The following SYN3 variants were observed in gnomAD, a reference collection of about 807,000 sequenced individuals.
SYN3 encodes the protein synapsin III, also known as synapsin-3.
SYN3 carries 35 observed loss-of-function variants against 65.8 expected under a neutral mutation model. The ratio of observed to expected loss-of-function variants is 0.53; its 90% CI spans 0.41 to 0.70. The LOEUF (loss-of-function observed/expected upper bound fraction) is 0.70. Among genes scored for constraint, SYN3 ranks in the 30% least tolerant of loss-of-function variants. SYN3 has a pLI of 0.00. For synonymous variants in SYN3, 270 were observed against 292.9 expected (o/e 0.92, Z 0.80); for missense variants, 680 against 749.0 (o/e 0.91, Z 1.08).
At chr22:32,828,738 G>A (rs571639493) in intron 6 of SYN3, among the ~76,000 whole-genome samples, 3 of 152,284 alleles carry the variant, frequency 2.0e-5, no homozygotes, top group East Asian at 3.9e-4. Context: ...GGCCGGTTCT[G>A]GGAGACTGAG....
At chr22:32,930,087 A>G (rs552709023) in intron 4 of SYN3, among the ~76,000 whole-genome samples, 1 of 152,320 alleles carries the variant, frequency 6.6e-6, no homozygotes, top group African/African-American at 2.4e-5. Flanking sequence ...TACAGTAGGC[A>G]CTCAATAAAG....
intron 6 of SYN3, among the ~76,000 whole-genome samples, chr22:32,835,877 C>G (rs571191160): frequency 6.6e-6 from 1 of 152,346 alleles, no homozygotes; most frequent in South Asian, 2.1e-4. Flanking sequence ...GATTCTTAGA[C>G]ATTACAAGAG....
chr22:32,920,766 G>C (rs1462063777), intron 4 of SYN3, among the ~76,000 whole-genome samples: 4 of 152,110 alleles, frequency 2.6e-5, no homozygotes, highest in Non-Finnish European at 5.9e-5. Flanking sequence ...CCTGTTGGCA[G>C]CATCAACTCA....
At chr22:32,882,400 A>T (rs1448449911) in intron 4 of SYN3, among the ~76,000 whole-genome samples, 1 of 151,928 alleles carries the variant, frequency 6.6e-6, no homozygotes, top group African/African-American at 2.4e-5. Context: ...TCTTTTCATT[A>T]AAAAAAATCT....
In SYN3 at chr22:32,800,342, C is replaced by T. The variant is rs536528104; in HGVS notation, c.711+64573G>A. On this transcript the variant is annotated intron_variant, in intron 6 of 13. Coordinates refer to ENST00000358763, the MANE Select transcript of SYN3 (RefSeq NM_003490.4). ...TGCAGTTAGATGGAACAGCTGCTGA[C>T]GTTCAGGGAAATGCATGTCTCTCTT... Among the ~76,000 whole-genome samples, 12 of 152,238 alleles carry T rather than the reference C, an allele frequency of 7.9e-5. No homozygotes were observed. In the South Asian group the frequency reaches 1.0e-3, roughly 13 times the overall value.
intron 6 of SYN3, among the ~76,000 whole-genome samples, chr22:32,624,550 G>A (rs1015719409): frequency 1.3e-5 from 2 of 152,200 alleles, no homozygotes; most frequent in South Asian, 2.1e-4. Flanking sequence ...TCTAACACCT[G>A]TAGGGACCTG....
chr22:32,868,950 C>T lies in SYN3; in HGVS notation c.621+16G>A, dbSNP rs1389971624. On this transcript the variant is annotated intron_variant, in intron 5 of 13. Transcript: ENST00000358763. ...GCCTCCCAGATCCCTCCAGGTCAGC[C>T]TGCCCTGTCACCTACCACCCAGGGC... 1.9e-6 allele frequency: 3 copies of T among 1,611,858 alleles called. No homozygotes were observed.
intron 6 of SYN3, among the ~76,000 whole-genome samples, chr22:32,810,903 A>G (rs770197302): frequency 1.3e-5 from 2 of 152,204 alleles, no homozygotes; most frequent in African/African-American, 2.4e-5. Flanking sequence ...ATTTGGAAAC[A>G]TGATAGCTCT....
chr22:32,884,466 A>G (rs112552500), intron 4 of SYN3, among the ~76,000 whole-genome samples: 2,289 of 152,376 alleles, frequency 0.015, 27 homozygotes, highest in Middle Eastern at 0.034. Flanking sequence ...AGAGGATCAC[A>G]TAAGCCAATC....
chr22:32,656,051 G>A (rs1184993854), intron 6 of SYN3, among the ~76,000 whole-genome samples: 1 of 152,174 alleles, frequency 6.6e-6, no homozygotes, highest in Non-Finnish European at 1.5e-5. Flanking sequence ...GAGAGGATAT[G>A]GTCTCTGGGA....
At chr22:32,787,058 CT>C (rs130552) in intron 6 of SYN3, among the ~76,000 whole-genome samples, 112,713 of 130,020 alleles carry the variant, frequency 0.87, 48,866 homozygotes, top group East Asian at 0.94. Flanking sequence ...CTTTTCTTTT[CT>C]TTTTTTTTTT....
intron 6 of SYN3, among the ~76,000 whole-genome samples, chr22:32,863,261 G>A (rs1456338516): frequency 6.6e-6 from 1 of 152,334 alleles, no homozygotes; most frequent in East Asian, 1.9e-4. Flanking sequence ...TATTGCTAGA[G>A]TCCTCCCTAG....
At chr22:32,730,944 C>T (rs77972796) in intron 6 of SYN3, among the ~76,000 whole-genome samples, 1,598 of 152,270 alleles carry the variant, frequency 0.01, 59 homozygotes, top group East Asian at 0.072. Flanking sequence ...CCACAAACAT[C>T]ACTTTCCAGG....
At chr22:32,567,319 A>T (rs2058684403) in intron 7 of SYN3, among the ~76,000 whole-genome samples, 2 of 131,648 alleles carry the variant, frequency 1.5e-5, no homozygotes, top group South Asian at 2.8e-4. Context: ...GATGACGGAG[A>T]TCCTCCCTCC....
At chr22:32,640,136 T>C (rs937150453) in intron 6 of SYN3, among the ~76,000 whole-genome samples, 1 of 152,210 alleles carries the variant, frequency 6.6e-6, no homozygotes, top group African/African-American at 2.4e-5. Flanking sequence ...AGGACTATAC[T>C]GTCTTCAAGT....
chr22:32,845,149 C>T (rs1183991361), intron 6 of SYN3, among the ~76,000 whole-genome samples: 1 of 151,522 alleles, frequency 6.6e-6, no homozygotes, highest in Non-Finnish European at 1.5e-5. Flanking sequence ...AGCCTCACCT[C>T]TCCCTTCTCT....
At chr22:33,043,979 G>C (rs1601954337) in intron 1 of SYN3, among the ~76,000 whole-genome samples, 1 of 152,098 alleles carries the variant, frequency 6.6e-6, no homozygotes, top group Non-Finnish European at 1.5e-5. Context: ...CTTCAACCTG[G>C]GGGGCAGAGG....
intron 6 of SYN3, among the ~76,000 whole-genome samples, chr22:32,698,397 A>G (rs1010222149): frequency 2.0e-5 from 3 of 152,158 alleles, no homozygotes; most frequent in African/African-American, 7.2e-5. Flanking sequence ...AAGTTCTGCC[A>G]ACTTATATCC....
At chr22:32,796,405 A>T (rs971582374) in intron 6 of SYN3, among the ~76,000 whole-genome samples, 6 of 152,322 alleles carry the variant, frequency 3.9e-5, no homozygotes, top group Admixed American at 1.3e-4. Flanking sequence ...GAATGTAGCC[A>T]GAGGCGAATG....
Sources: allele counts gnomAD v4.1 joint callset (sites outside exome capture counted in the v4.1 genomes callset), GRCh38; gene constraint gnomAD v4.1.1; transcripts MANE v1.5; gene names NCBI Gene and HGNC (gene_info 2026-07-23, HGNC 2026-07-21).